GPR55: variants seen among roughly 807,000 people sequenced by gnomAD.
GPR55 encodes G protein-coupled receptor 55, also known as G-protein coupled receptor 55.
Under a neutral mutation model 7.9 loss-of-function variants are expected in GPR55, and 6 were observed. The observed-to-expected ratio is 0.76, with a 90% CI of 0.41 to 1.49. GPR55 has a LOEUF of 1.49. Among genes scored for constraint, GPR55 ranks in the 40% most tolerant of loss-of-function variants. The pLI, the probability that GPR55 is intolerant of heterozygous loss-of-function variation, is 0.01. For synonymous variants in GPR55, 183 were observed against 166.8 expected (o/e 1.10, Z -0.75); for missense variants, 376 against 406.0 (o/e 0.93, Z 0.63).
chr2:230,930,463 CT>C (rs751153927), intron 1 of GPR55, among the ~76,000 whole-genome samples: 370 of 141,172 alleles, frequency 2.6e-3, no homozygotes, highest in Middle Eastern at 3.7e-3. Flanking sequence ...TTCTTTCTTT[CT>C]TTTTTTTTTT....
chr2:230,956,192 TCTCA>T (rs546719498), intron 1 of GPR55, among the ~76,000 whole-genome samples: 3 of 152,042 alleles, frequency 2.0e-5, no homozygotes, highest in Non-Finnish European at 4.4e-5. Context: ...TGAGATAGAG[TCTCA>T]CTCTGTTGCC....
chr2:230,945,069 G>A (rs1312831230), intron 1 of GPR55, among the ~76,000 whole-genome samples: 1 of 152,232 alleles, frequency 6.6e-6, no homozygotes, highest in African/African-American at 2.4e-5. Context: ...TCTAGGGGAA[G>A]GATTTGTGTC....
chr2:230,916,495 G>C (rs1300747516), intron 1 of GPR55, among the ~76,000 whole-genome samples: 1 of 151,724 alleles, frequency 6.6e-6, no homozygotes, highest in Non-Finnish European at 1.5e-5. Flanking sequence ...CTGCACTCCA[G>C]CCTGTGTAAC....
chr2:230,949,903 C>T (rs1691374311), intron 1 of GPR55, among the ~76,000 whole-genome samples: 3 of 152,154 alleles, frequency 2.0e-5, no homozygotes, highest in African/African-American at 7.2e-5. Flanking sequence ...GGCACAATCT[C>T]GGCTCACTAC....
At chr2:230,920,499 A>T (rs1013739232) in intron 1 of GPR55, among the ~76,000 whole-genome samples, 1 of 152,186 alleles carries the variant, frequency 6.6e-6, no homozygotes, top group Non-Finnish European at 1.5e-5. Context: ...TTAAAAAAAA[A>T]TTGAAAAATA....
In GPR55 at chr2:230,908,887, T is replaced by TC. The variant is rs1690516928; in HGVS notation, c.*1115dup. 1 of 152,286 alleles carries TC rather than the reference T, an allele frequency of 6.6e-6. No homozygotes were observed. Among genetic ancestry groups the TC allele is most frequent in the South Asian group, 2.1e-4 (1 of 4,826 alleles). 9.4% of individuals were successfully genotyped at this position (152,286 alleles called of 1,614,324 possible). On this transcript the variant is annotated 3_prime_UTR_variant, in exon 2 of 2. Coordinates refer to ENST00000650999, the MANE Select transcript of GPR55 (RefSeq NM_005683.4). The stretch of plus-strand genomic sequence containing the variant: ...GACCAGCAGGGACCCCCCCTTGCCT[T>TC]CTTTCTCAAGGCCACACCCTTGTGC...
At chr2:230,941,464 C>G (rs1691232035) in intron 1 of GPR55, among the ~76,000 whole-genome samples, 1 of 152,240 alleles carries the variant, frequency 6.6e-6, no homozygotes, top group African/African-American at 2.4e-5. Flanking sequence ...CCCATGGCCA[C>G]ATGTGTTTCT....
intron 1 of GPR55, among the ~76,000 whole-genome samples, chr2:230,945,814 C>T (rs915525036): frequency 3.3e-5 from 5 of 152,126 alleles, no homozygotes; most frequent in Admixed American, 6.5e-5. Flanking sequence ...CCTCGTGATC[C>T]GTCCGCCTCG....
At chr2:230,912,259 G>A (rs999829747) in intron 1 of GPR55, among the ~76,000 whole-genome samples, 6 of 151,974 alleles carry the variant, frequency 3.9e-5, no homozygotes, top group East Asian at 3.9e-4. Context: ...GAGCAAGTGC[G>A]GCCAGGTCCT....
intron 1 of GPR55, among the ~76,000 whole-genome samples, chr2:230,937,368 G>T (rs1032494772): frequency 7.3e-6 from 1 of 137,274 alleles, no homozygotes; most frequent in Non-Finnish European, 1.5e-5. Flanking sequence ...TTGTGCCAGT[G>T]TGCTCCAGTC....
In GPR55 at chr2:230,910,958, C is replaced by T. The variant is rs1225370870; in HGVS notation, c.5G>A (p.Ser2Asn). The change falls in exon 2 of 2, where the codon AGT becomes AAT. Residue 2 changes from serine (S) to asparagine (N), a missense_variant. Coordinates refer to ENST00000650999, the MANE Select transcript of GPR55 (RefSeq NM_005683.4). The surrounding 1 kb of genome is among the most constrained non-coding windows in gnomAD (Gnocchi z 5.4). ...GCAGTCCCCACTGGTGTTTTGCTGA[C>T]TCATGTTTCTTCCTACAACACCAAC... M[S>N]QQNTSGDCLF... 1.9e-6 allele frequency: 3 copies of T among 1,593,044 alleles called. No homozygotes were observed. The South Asian group carries it at 3.4e-5, about 18-fold the overall frequency.
At chr2:230,959,474 C>T (rs531147644) in intron 1 of GPR55, among the ~76,000 whole-genome samples, 3 of 152,150 alleles carry the variant, frequency 2.0e-5, no homozygotes, top group Non-Finnish European at 4.4e-5. Context: ...GCTTTACATA[C>T]ATAAAATCAT....
intron 1 of GPR55, among the ~76,000 whole-genome samples, chr2:230,919,531 GA>G (rs1391772577): frequency 3.9e-5 from 6 of 152,264 alleles, no homozygotes; most frequent in African/African-American, 1.4e-4. Flanking sequence ...ATTTAACAAA[GA>G]ATTTGGCAAG....
intron 1 of GPR55, among the ~76,000 whole-genome samples, chr2:230,958,616 G>C (rs974858494): frequency 6.6e-6 from 1 of 152,008 alleles, no homozygotes; most frequent in Non-Finnish European, 1.5e-5. Context: ...CCATGAGTTC[G>C]ATTGTTTCCA....
chr2:230,910,204 T>A lies in GPR55; in HGVS notation c.759A>T (p.Arg253Ser). 1 of 1,614,046 alleles carries A rather than the reference T, an allele frequency of 6.2e-7. No individual in the cohort carries two copies. Residue 253 changes from arginine (R) to serine (S), a missense_variant, in exon 2 of 2, where the codon AGA (arginine) becomes AGT (serine). Arg to Ser is a moderately radical substitution (Grantham distance 110). Transcript: ENST00000650999. The surrounding 1 kb of genome is among the most constrained non-coding windows in gnomAD (Gnocchi z 5.4). The stretch of plus-strand genomic sequence containing the variant: ...CTCTGCACTCTACGATAAAGCTGTT[T>A]CTCACCAGGAACTGCAGGAAGAACC... ...HLGFFLQFLV[R>S]NSFIVECRAK...
chr2:230,926,464 G>A (rs1301115108), upstream of GPR55, among the ~76,000 whole-genome samples: 2 of 152,114 alleles, frequency 1.3e-5, no homozygotes, highest in African/African-American at 2.4e-5. Flanking sequence ...GGCAAGGGGG[G>A]GCAGCCAGGC....
At chr2:230,945,366 A>G (rs1691297221) in intron 1 of GPR55, among the ~76,000 whole-genome samples, 1 of 111,022 alleles carries the variant, frequency 9.0e-6, no homozygotes, top group Non-Finnish European at 1.7e-5. Flanking sequence ...GTGCATTGAG[A>G]ATGCACTCCC....
rs768593618 is a variant in GPR55, at chr2:230,910,796, T to A, written c.167A>T (p.Tyr56Phe). 5.0e-6 allele frequency: 8 copies of A among 1,613,572 alleles called. No individual in the cohort carries two copies. Among genetic ancestry groups the A allele is most frequent in the Non-Finnish European group, 6.8e-6 (8 of 1,179,772 alleles). ...GATCATGTAGATGGAGGTGGCAGCA[T>A]AATCGGGCCACCTGTTCTTAAGGAA... Reference protein sequence around the residue: ...STFLKNRWPDYAATSIYMINL... With the variant: ...STFLKNRWPDFAATSIYMINL... Residue 56 changes from tyrosine to phenylalanine, a missense_variant, in exon 2 of 2, where the codon TAT (tyrosine) becomes TTT (phenylalanine). Tyr to Phe is a conservative substitution (Grantham distance 22). Coordinates refer to ENST00000650999, the MANE Select transcript of GPR55 (RefSeq NM_005683.4). This position sits in a 1 kb window ranked among gnomAD's most constrained non-coding sequence, Gnocchi z 5.4.
chr2:230,957,606 C>T, intron 1 of GPR55: 3 of 459,780 alleles, frequency 6.5e-6, no homozygotes, highest in African/African-American at 2.0e-5. Context: ...GCCGCCGCTC[C>T]GGAGCCCGGC....
Sources: allele counts gnomAD v4.1 joint callset (sites outside exome capture counted in the v4.1 genomes callset), GRCh38; gene constraint gnomAD v4.1.1; non-coding constraint Gnocchi (gnomAD v3.1); transcripts MANE v1.5; gene names NCBI Gene and HGNC (gene_info 2026-07-23, HGNC 2026-07-21).